PCDHGA9: variants seen among roughly 807,000 people sequenced by gnomAD.
The protein encoded by PCDHGA9 is protocadherin gamma-A9.
In PCDHGA9, 37 loss-of-function variants were observed where a neutral mutation model predicts 62.5. The observed-to-expected ratio is 0.59, with a 90% CI of 0.46 to 0.78. PCDHGA9 has a LOEUF of 0.78. Ranked by LOEUF, PCDHGA9 falls within the 30% of genes least tolerant of loss-of-function variation. The pLI is 0.00. For synonymous variants in PCDHGA9, 459 were observed against 484.6 expected, an observed-to-expected ratio of 0.95 and a Z score of 0.69; for missense variants, 1,138 against 1,166.2, an observed-to-expected ratio of 0.98 and a Z score of 0.35.
intron 1 of PCDHGA9, among the ~76,000 whole-genome samples, chr5:141,466,909 ACTC>A (rs1249720055): frequency 6.6e-6 from 1 of 151,110 alleles, no homozygotes; most frequent in Non-Finnish European, 1.5e-5. Flanking sequence ...GTTTTTGAAA[ACTC>A]CTTGTATTAG....
chr5:141,505,317 G>A, intron 2 of PCDHGA9, 76 bp from the exon 3 acceptor site: 1 of 1,603,092 alleles, frequency 6.2e-7, no homozygotes, highest in Non-Finnish European at 8.5e-7. Flanking sequence ...AGGTTTGGGA[G>A]CCCTGGGAGA....
rs1594951324 is a variant in PCDHGA9, at chr5:141,490,871, T to G, written c.2425-3936T>G. 6.2e-7 allele frequency: 1 copy of G among 1,613,918 alleles called. No individual in the cohort carries two copies. The highest frequency in any genetic ancestry group is 8.5e-7 in the Non-Finnish European group (1 of 1,179,944). On this transcript the variant is annotated intron_variant, in intron 1 of 3. Coordinates refer to ENST00000573521, the MANE Select transcript of PCDHGA9 (RefSeq NM_018921.3). This position sits in a 1 kb window ranked among gnomAD's most constrained non-coding sequence, Gnocchi z 5.4. ...GTTCGAGACTCCGGCTCTCCCCCAT[T>G]GCATGCCAACACATCTCTGCATGTG...
intron 2 of PCDHGA9, among the ~76,000 whole-genome samples, chr5:141,504,280 C>T (rs1027657223): frequency 6.6e-6 from 1 of 152,076 alleles, no homozygotes; most frequent in Admixed American, 6.6e-5. Context: ...AATTATGAAT[C>T]ATTTCATGTT....
chr5:141,478,109 T>C, intron 1 of PCDHGA9: 1 of 1,614,086 alleles, frequency 6.2e-7, no homozygotes, highest in Non-Finnish European at 8.5e-7. Context: ...CCTCACTGTG[T>C]CAGTAACCGA....
chr5:141,445,433 C>A (rs2098466883), intron 1 of PCDHGA9, among the ~76,000 whole-genome samples: 1 of 152,136 alleles, frequency 6.6e-6, no homozygotes, highest in Non-Finnish European at 1.5e-5. Flanking sequence ...AAGGCACTGA[C>A]CTATGGACTA....
chr5:141,508,527 GCACC>G (rs2099869479), intron 3 of PCDHGA9, among the ~76,000 whole-genome samples: 1 of 152,104 alleles, frequency 6.6e-6, no homozygotes, highest in Non-Finnish European at 1.5e-5. Flanking sequence ...CAACCTCAGG[GCACC>G]CCCCACGAGG....
intron 1 of PCDHGA9, among the ~76,000 whole-genome samples, chr5:141,445,417 A>C (rs1483224509): frequency 6.6e-6 from 1 of 152,208 alleles, no homozygotes; most frequent in Non-Finnish European, 1.5e-5. Context: ...ACTGTCTGCT[A>C]TATGCAAGGC....
At chr5:141,484,877 G>T in intron 1 of PCDHGA9, 1 of 338,660 alleles carries the variant, frequency 3.0e-6, no homozygotes, top group Non-Finnish European at 5.4e-6. Context: ...GTGGAGGATA[G>T]GGTGGGCTTT....
intron 1 of PCDHGA9, among the ~76,000 whole-genome samples, chr5:141,438,149 A>G (rs1441404688): frequency 6.6e-6 from 1 of 152,220 alleles, no homozygotes; most frequent in African/African-American, 2.4e-5. Context: ...TAGCCAGCCT[A>G]TGGCAAAGCT....
At chr5:141,500,221 TTTA>T (rs1428029040) in intron 2 of PCDHGA9, among the ~76,000 whole-genome samples, 2 of 151,002 alleles carry the variant, frequency 1.3e-5, no homozygotes, top group Non-Finnish European at 2.9e-5. Flanking sequence ...TATTTATTTA[TTTA>T]TTGATACGTA....
At chr5:141,492,755 C>T (rs938918009) in intron 1 of PCDHGA9, among the ~76,000 whole-genome samples, 3 of 152,262 alleles carry the variant, frequency 2.0e-5, no homozygotes, top group African/African-American at 7.2e-5. Flanking sequence ...CGCGGCAGGG[C>T]TCCGCGTTGG....
Position 141,432,732 on chromosome 5 carries a change from T to G in PCDHGA9, c.2424+27356T>G, listed in dbSNP as rs1300743675. 2.5e-6 allele frequency: 4 copies of G among 1,613,940 alleles called. No individual in the cohort carries two copies. Among genetic ancestry groups the G allele is most frequent in the Non-Finnish European group, 3.4e-6 (4 of 1,179,992 alleles). On this transcript the variant is annotated intron_variant, in intron 1 of 3. Coordinates refer to ENST00000573521, the MANE Select transcript of PCDHGA9 (RefSeq NM_018921.3). This position sits in a 1 kb window ranked among gnomAD's most constrained non-coding sequence, Gnocchi z 6.0. ...GGCCAGCCCCCTCTCTCCGCCACTG[T>G]CACGCTCACCGTGGCCGTGGCCGAC...
rs1048081343 is a variant in PCDHGA9 at position 141,432,618 on chromosome 5, G to C, written c.2424+27242G>C. 6.2e-7 allele frequency: 1 copy of C among 1,612,806 alleles called. No individual in the cohort carries two copies. Among genetic ancestry groups the C allele is most frequent in the South Asian group, 1.1e-5 (1 of 90,950 alleles). ...AGCGAGCCGGGACTCTTCTCGGTGG[G>C]TCTGCACACGGGCGAGGTGCGCACG... On this transcript the variant is annotated intron_variant, in intron 1 of 3. Transcript: ENST00000573521. The surrounding 1 kb of genome is among the most constrained non-coding windows in gnomAD (Gnocchi z 6.0).
intron 1 of PCDHGA9, chr5:141,426,849 G>A (rs749455878): frequency 2.4e-5 from 11 of 456,660 alleles, no homozygotes; most frequent in South Asian, 1.7e-4. Flanking sequence ...AGGCAAGAAC[G>A]CTCCAGAATT....
chr5:141,421,054 A>G, intron 1 of PCDHGA9: 3 of 571,978 alleles, frequency 5.2e-6, no homozygotes, highest in Non-Finnish European at 9.0e-6. Context: ...CGCCTCTACC[A>G]CACAAAGCGG....
rs372994272 is a variant in PCDHGA9, at chr5:141,485,358, G to C, written c.2425-9449G>C. On this transcript the variant is annotated intron_variant, in intron 1 of 3. Coordinates refer to ENST00000573521, the MANE Select transcript of PCDHGA9 (RefSeq NM_018921.3). This position sits in a 1 kb window ranked among gnomAD's most constrained non-coding sequence, Gnocchi z 5.7. ...CTGGATACGGACAGTCTGTCAGCTC[G>C]CAGGCTGCAGGTCGCTGGAGAGGTG... is the stretch of plus-strand genomic sequence containing the variant. 3.1e-6 allele frequency: 5 copies of C among 1,613,982 alleles called. No homozygotes were observed. Among genetic ancestry groups the C allele is most frequent in the Non-Finnish European group, 4.2e-6 (5 of 1,180,014 alleles).
At chr5:141,501,288 TATACAC>T (rs201660636) in intron 2 of PCDHGA9, among the ~76,000 whole-genome samples, 3 of 81,324 alleles carry the variant, frequency 3.7e-5, no homozygotes, top group African/African-American at 1.5e-4. Flanking sequence ...GATATTCCCT[TATACAC>T]ACACACACAC....
At chr5:141,461,302 T>A (rs1009664719) in intron 1 of PCDHGA9, among the ~76,000 whole-genome samples, 3 of 152,142 alleles carry the variant, frequency 2.0e-5, no homozygotes. Flanking sequence ...CAACATCTAT[T>A]GTTTTTTGAC....
At chr5:141,460,977 G>A in intron 1 of PCDHGA9, among the ~76,000 whole-genome samples, 1 of 131,518 alleles carries the variant, frequency 7.6e-6, no homozygotes, top group African/African-American at 3.4e-5. Context: ...GTGTGTGTGT[G>A]TGTGTGTATA....
Sources: gnomAD v4.1 joint callset for allele counts (sites outside exome capture counted in the v4.1 genomes callset) on GRCh38, gnomAD v4.1.1 for gene constraint, Gnocchi (gnomAD v3.1) non-coding constraint, MANE v1.5 for transcripts, NCBI Gene and HGNC (gene_info 2026-07-23, HGNC 2026-07-21) for gene names.